Variants in LEKR1 observed in about 807,000 individuals in gnomAD.
The protein encoded by LEKR1 is leucine, glutamate and lysine rich 1, also known as protein LEKR1.
A neutral mutation model predicts 72.4 loss-of-function variants in LEKR1; 59 were observed. That is an observed-to-expected ratio of 0.82 (90% CI 0.66 to 1.01). The LOEUF (loss-of-function observed/expected upper bound fraction) is 1.01. Ranked by LOEUF, LEKR1 falls within the 50% of genes least tolerant of loss-of-function variation. The probability of loss-of-function intolerance (pLI) is 0.00; values close to 1 mark genes in which losing one functional copy is unlikely to be tolerated. For synonymous variants in LEKR1, 257 were observed against 263.2 expected (o/e 0.98, Z 0.23); for missense variants, 728 against 759.2 (o/e 0.96, Z 0.48).
chr3:156,901,452 T>A (rs1313430334), intron 3 of LEKR1, among the ~76,000 whole-genome samples: 1 of 152,200 alleles, frequency 6.6e-6, no homozygotes, highest in Non-Finnish European at 1.5e-5. Flanking sequence ...CCTTTTTTTC[T>A]AAGTGCTTAA....
chr3:156,892,146 G>A (rs185160311), intron 3 of LEKR1, among the ~76,000 whole-genome samples: 8 of 152,220 alleles, frequency 5.3e-5, no homozygotes, highest in Admixed American at 1.3e-4. Flanking sequence ...CGGGGAGAGG[G>A]GATAAGAAGA....
At chr3:156,881,694 T>G (rs1488655695) in intron 3 of LEKR1, among the ~76,000 whole-genome samples, 71 of 143,886 alleles carry the variant, frequency 4.9e-4, no homozygotes, top group East Asian at 6.1e-4. Flanking sequence ...CATCGCCAAG[T>G]CAATCCTAAG....
chr3:157,009,953 A>C (rs768744352), intron 9 of LEKR1, among the ~76,000 whole-genome samples: 1 of 152,054 alleles, frequency 6.6e-6, no homozygotes, highest in Non-Finnish European at 1.5e-5. Context: ...TGTCCATTTC[A>C]TCAGAGTTGT....
At chr3:156,921,751 C>G (rs1169129120) in intron 4 of LEKR1, among the ~76,000 whole-genome samples, 1 of 152,106 alleles carries the variant, frequency 6.6e-6, no homozygotes, top group Non-Finnish European at 1.5e-5. Flanking sequence ...TCCACCAAAG[C>G]CTTCATGGAT....
At chr3:157,010,435 T>C (rs1441299129) in intron 9 of LEKR1, among the ~76,000 whole-genome samples, 2 of 152,088 alleles carry the variant, frequency 1.3e-5, no homozygotes, top group Non-Finnish European at 2.9e-5. Flanking sequence ...TAGGAGATGA[T>C]GTTTATTTTG....
At chr3:156,866,959 C>T (rs1322747198) in intron 3 of LEKR1, among the ~76,000 whole-genome samples, 1 of 152,002 alleles carries the variant, frequency 6.6e-6, no homozygotes, top group Admixed American at 6.6e-5. Flanking sequence ...AAGGATATTT[C>T]CTTAAGAAGG....
chr3:156,861,257 A>G (rs918727671), intron 3 of LEKR1, among the ~76,000 whole-genome samples: 37 of 152,128 alleles, frequency 2.4e-4, no homozygotes, highest in African/African-American at 6.5e-4. Flanking sequence ...CTCCCTTTAT[A>G]AAAGGTCTTA....
chr3:156,895,144 C>T (rs950934164), intron 3 of LEKR1, among the ~76,000 whole-genome samples: 24 of 152,184 alleles, frequency 1.6e-4, no homozygotes, highest in African/African-American at 5.8e-4. Flanking sequence ...ATTCATCTGA[C>T]AAAGGTCTAA....
At chr3:156,991,751 G>A (rs1456810419) in intron 7 of LEKR1, among the ~76,000 whole-genome samples, 2 of 152,036 alleles carry the variant, frequency 1.3e-5, no homozygotes, top group Non-Finnish European at 2.9e-5. Context: ...ATGTCTTTGA[G>A]CAAAGTGAAT....
chr3:157,028,860 A>T (rs2108037654), intron 12 of LEKR1, among the ~76,000 whole-genome samples: 2 of 152,340 alleles, frequency 1.3e-5, no homozygotes, highest in South Asian at 4.1e-4. Flanking sequence ...ATAAGGTAAT[A>T]TGCATGCGTC....
intron 6 of LEKR1, among the ~76,000 whole-genome samples, chr3:156,967,220 C>A (rs1361739868): frequency 1.3e-5 from 2 of 152,192 alleles, no homozygotes; most frequent in Non-Finnish European, 2.9e-5. Flanking sequence ...AATCAGAACA[C>A]CTCTCCTCCT....
rs761327164 is a variant in LEKR1 at position 157,011,489 on chromosome 3, G to A, written c.1186G>A (p.Asp396Asn). The change falls in exon 10 of 13, where the codon GAT (aspartate) becomes AAT (asparagine). Residue 396 changes from aspartate (D) to asparagine (N), a missense_variant. By Grantham distance (23) the Asp-to-Asn change is conservative (BLOSUM62 1). Transcript: ENST00000356539. Reference sequence around the variant, plus strand: ...CCTTAGACAGAAGCTGCTGAGTGATGATAACTGGAAGGAGAAGGTAATGGT... The same window carrying A: ...CCTTAGACAGAAGCTGCTGAGTGATAATAACTGGAAGGAGAAGGTAATGGT... ...ETLRQKLLSD[D>N]NWKEKIEAEL... The A allele has an allele frequency of 5.6e-6, 9 of 1,611,822 alleles. No individual in the cohort carries two copies. The Admixed American group carries it at 1.0e-4, about 18-fold the overall frequency.
intron 2 of LEKR1, among the ~76,000 whole-genome samples, chr3:156,849,876 A>G (rs1034826512): frequency 2.0e-4 from 31 of 152,328 alleles, no homozygotes; most frequent in Admixed American, 1.5e-3. Flanking sequence ...AAACACCAAA[A>G]GCAATGGCAA....
chr3:156,996,220 G>T (rs187111595), intron 9 of LEKR1, among the ~76,000 whole-genome samples: 4 of 152,244 alleles, frequency 2.6e-5, no homozygotes, highest in African/African-American at 9.6e-5. Flanking sequence ...ATATGAAGTA[G>T]TAAAAATTGA....
intron 2 of LEKR1, among the ~76,000 whole-genome samples, chr3:156,838,867 C>A (rs1713514968): frequency 6.6e-6 from 1 of 152,126 alleles, no homozygotes; most frequent in Non-Finnish European, 1.5e-5. Flanking sequence ...GGTTCTTCCT[C>A]CCACACAGAT....
intron 6 of LEKR1, among the ~76,000 whole-genome samples, chr3:156,955,330 C>A (rs1202267176): frequency 6.6e-6 from 1 of 151,966 alleles, no homozygotes; most frequent in East Asian, 1.9e-4. Flanking sequence ...ATTTGGATAT[C>A]CTTTATTTCT....
intron 6 of LEKR1, among the ~76,000 whole-genome samples, chr3:156,958,148 A>G (rs568113440): frequency 5.9e-5 from 9 of 152,304 alleles, no homozygotes; most frequent in South Asian, 2.1e-4. Context: ...GAAGGGTACC[A>G]GGTTGGTTTT....
chr3:157,036,507 A>C (rs202171202), intron 12 of LEKR1, among the ~76,000 whole-genome samples: 1 of 152,212 alleles, frequency 6.6e-6, no homozygotes, highest in South Asian at 2.1e-4. Context: ...TCAAACGCAG[A>C]TATTTTCAGA....
chr3:156,846,533 C>T (rs1364791115), intron 2 of LEKR1, among the ~76,000 whole-genome samples: 1 of 151,772 alleles, frequency 6.6e-6, no homozygotes, highest in African/African-American at 2.4e-5. Context: ...AGGAAGGGTC[C>T]TAATGGCTTT....
Sources: gnomAD v4.1 joint callset for allele counts (sites outside exome capture counted in the v4.1 genomes callset) on GRCh38, gnomAD v4.1.1 for gene constraint, MANE v1.5 for transcripts, NCBI Gene and HGNC (gene_info 2026-07-23, HGNC 2026-07-21) for gene names.